Variants in MCM10 observed in about 807,000 individuals in gnomAD.
MCM10 encodes minichromosome maintenance 10 replication initiation factor, also known as protein MCM10 homolog.
Under a neutral mutation model 109.9 loss-of-function variants are expected in MCM10, and 91 were observed. That is an observed-to-expected ratio of 0.83 (90% CI 0.70 to 0.99). The LOEUF (loss-of-function observed/expected upper bound fraction) is 0.99, where lower values mean the gene tolerates loss of function less well. Among genes scored for constraint, MCM10 ranks in the 50% least tolerant of loss-of-function variants. The pLI is 0.00. For synonymous variants in MCM10, 380 were observed against 387.2 expected, an observed-to-expected ratio of 0.98 and a Z score of 0.22; for missense variants, 1,077 against 1,061.2, an observed-to-expected ratio of 1.01 and a Z score of -0.21.
chr10:13,184,137 C>T (rs920607799), intron 8 of MCM10, among the ~76,000 whole-genome samples: 2 of 152,046 alleles, frequency 1.3e-5, no homozygotes, highest in Non-Finnish European at 2.9e-5. Flanking sequence ...GGATTACAGC[C>T]ATGAGCCACC....
chr10:13,172,836 G>A lies in MCM10; in HGVS notation c.592+71G>A. On this transcript the variant is annotated intron_variant, in intron 5 of 19. Coordinates refer to ENST00000378714, the MANE Select transcript of MCM10 (RefSeq NM_018518.5). The surrounding 1 kb of genome is among the most constrained non-coding windows in gnomAD (Gnocchi z 5.2). Reference sequence around the variant, plus strand: ...TATGTGTGTGGGGGTGTTCATGTGTGTGTGGGTGTCTGTGTCTTTTGGTCT... The same window carrying A: ...TATGTGTGTGGGGGTGTTCATGTGTATGTGGGTGTCTGTGTCTTTTGGTCT... The A allele has an allele frequency of 4.1e-6, 6 of 1,474,930 alleles. No homozygotes were observed. Among genetic ancestry groups the A allele is most frequent in the Non-Finnish European group, 5.6e-6 (6 of 1,071,754 alleles). 91.4% of individuals were successfully genotyped at this position (1,474,930 alleles called of 1,614,324 possible). A position where few individuals can be genotyped will look rare whatever the true frequency, so the allele number is the denominator to read the frequency against.
Position 13,172,064 on chromosome 10 carries a change from A to G in MCM10, c.350-312A>G, listed in dbSNP as rs187323394. ...GCTGTGATTACAGGCACGAGCCACC[A>G]TGCCTGGCCTATAATTATTTCTCAA... is the stretch of plus-strand genomic sequence containing the variant. On this transcript the variant is annotated intron_variant, in intron 3 of 19. Coordinates refer to ENST00000378714, the MANE Select transcript of MCM10 (RefSeq NM_018518.5). This position sits in a 1 kb window ranked among gnomAD's most constrained non-coding sequence, Gnocchi z 5.2. 3.3e-3 allele frequency among the ~76,000 whole-genome samples: 504 copies of G among 152,184 alleles called. 3 individuals are homozygous for G. The highest frequency in any genetic ancestry group is 0.012 in the African/African-American group (489 of 41,512).
chr10:13,180,318 C>A, intron 6 of MCM10, 124 bp from the exon 7 acceptor site: 2 of 660,772 alleles, frequency 3.0e-6, no homozygotes, highest in Non-Finnish European at 4.9e-6. Flanking sequence ...TACTATATAA[C>A]TAAGCTTCCC....
chr10:13,209,269 A>G lies in MCM10; in HGVS notation c.2584A>G (p.Arg862Gly). 1 of 1,614,132 alleles carries G rather than the reference A, an allele frequency of 6.2e-7. No homozygotes were observed. The highest frequency in any genetic ancestry group is 8.5e-7 in the Non-Finnish European group (1 of 1,179,986). ...GATAGGAGGAGAAACTCTGTTACCA[A>G]GAGGAGAAGAACATGCTAAATTTCT... Reference protein sequence around the residue: ...PKIGGETLLPRGEEHAKFLNS... With the variant: ...PKIGGETLLPGGEEHAKFLNS... Residue 862 changes from arginine to glycine, a missense_variant, in exon 20 of 20, where the codon AGA becomes GGA. Transcript: ENST00000378714.
Position 13,186,182 on chromosome 10 carries a change from C to T in MCM10, c.1117C>T (p.His373Tyr), listed in dbSNP as rs781291700. Residue 373 changes from histidine (H) to tyrosine (Y), a missense_variant, in exon 9 of 20, where the codon CAT (histidine) becomes TAT (tyrosine). Coordinates refer to ENST00000378714, the MANE Select transcript of MCM10 (RefSeq NM_018518.5). ...CTTACAGGTGTGTTTATCTATCGATCATCCTCAGAAGGTCTTAATTATGGG... is the reference window on the plus strand; with the variant it reads ...CTTACAGGTGTGTTTATCTATCGATTATCCTCAGAAGGTCTTAATTATGGG... ...GSEEVCLSID[H>Y]PQKVLIMGEA... The T allele has an allele frequency of 2.5e-6, 4 of 1,610,940 alleles. No homozygotes were observed. Among genetic ancestry groups the T allele is most frequent in the Non-Finnish European group, 3.4e-6 (4 of 1,177,560 alleles).
chr10:13,208,411 G>A (rs1357877986), intron 18 of MCM10, among the ~76,000 whole-genome samples: 3 of 151,468 alleles, frequency 2.0e-5, no homozygotes, highest in Admixed American at 1.3e-4. Context: ...AACAAAACAA[G>A]AGTCCCTGGG....
intron 2 of MCM10, among the ~76,000 whole-genome samples, chr10:13,169,997 C>T (rs530683796): frequency 5.3e-5 from 8 of 152,352 alleles, no homozygotes; most frequent in South Asian, 2.1e-4. Context: ...TGAGCCACCA[C>T]GCCTGGCTAG....
intron 5 of MCM10, among the ~76,000 whole-genome samples, chr10:13,174,424 T>C (rs775474326): frequency 3.3e-5 from 5 of 152,042 alleles, no homozygotes; most frequent in Non-Finnish European, 5.9e-5. Context: ...AAAGTAGAAT[T>C]TGAACTGTAC....
chr10:13,171,665 A>G (rs1834075145), intron 3 of MCM10, among the ~76,000 whole-genome samples: 1 of 152,208 alleles, frequency 6.6e-6, no homozygotes, highest in African/African-American at 2.4e-5. Flanking sequence ...CATCTCATAC[A>G]TGTTTAAGCT....
intron 6 of MCM10, among the ~76,000 whole-genome samples, chr10:13,179,089 A>C (rs944989408): frequency 1.1e-4 from 16 of 152,190 alleles, no homozygotes; most frequent in South Asian, 2.1e-4. Context: ...TATCAGTGCT[A>C]ATAGTTTTTT....
intron 6 of MCM10, among the ~76,000 whole-genome samples, chr10:13,178,459 T>TGG (rs1339288735): frequency 2.0e-5 from 3 of 152,214 alleles, no homozygotes; most frequent in South Asian, 2.1e-4. Context: ...CTCCTGCATA[T>TGG]GGATATCCAG....
chr10:13,188,348 T>A (rs1834301808), intron 9 of MCM10, among the ~76,000 whole-genome samples: 1 of 152,200 alleles, frequency 6.6e-6, no homozygotes, highest in South Asian at 2.1e-4. Context: ...TTAATCATTT[T>A]AAAATACATA....
intron 16 of MCM10, among the ~76,000 whole-genome samples, chr10:13,199,715 A>T (rs1006994222): frequency 2.1e-4 from 32 of 152,272 alleles, no homozygotes; most frequent in African/African-American, 7.7e-4. Context: ...CAGAGGCAGA[A>T]CTAGCTTAGG....
intron 15 of MCM10, 71 bp downstream of exon 15, chr10:13,197,838 C>T (rs1264367784): frequency 2.7e-6 from 4 of 1,481,486 alleles, no homozygotes; most frequent in Admixed American, 2.2e-5. Context: ...TAAACCCAAA[C>T]CAGCACCCAG....
chr10:13,204,392 C>G, intron 18 of MCM10, 28 bp downstream of exon 18: 1 of 1,610,802 alleles, frequency 6.2e-7, no homozygotes, highest in East Asian at 2.2e-5. Context: ...AGCTCTTTGT[C>G]CCACGTGGGG....
At chr10:13,171,718 C>T (rs372133439) in intron 3 of MCM10, among the ~76,000 whole-genome samples, 3 of 152,112 alleles carry the variant, frequency 2.0e-5, no homozygotes, top group East Asian at 3.9e-4. Flanking sequence ...AATACAGAAG[C>T]CAGCATTTAT....
rs142362347 is a variant in MCM10, at chr10:13,163,867, C to T, written c.-75-261C>T. Among the ~76,000 whole-genome samples the T allele has an allele frequency of 4.1e-4, 63 of 152,212 alleles. 1 individual carries two copies. The East Asian group carries it at 0.01, about 25-fold the overall frequency. ...GTTCTTCCTCATAATTTATCTCATC[C>T]ACGTAATCTAGTGTGATTTACAAAC... On this transcript the variant is annotated intron_variant, in intron 1 of 19. Coordinates refer to ENST00000378714, the MANE Select transcript of MCM10 (RefSeq NM_018518.5).
chr10:13,178,053 A>G (rs1455021918), intron 6 of MCM10, among the ~76,000 whole-genome samples: 1 of 152,016 alleles, frequency 6.6e-6, no homozygotes, highest in Non-Finnish European at 1.5e-5. Context: ...AGTTTCCCCA[A>G]TGTTTTCTTT....
rs937670801 is a variant in MCM10, at chr10:13,175,682, G to A, written c.764+1G>A. ...AAGCCTTCTCTGGTCTGCGGCTCAG[G>A]TCAGTAGCTAAACCATCTATTCATG... On this transcript the variant is annotated splice_donor_variant, in intron 6 of 19. Coordinates refer to ENST00000378714, the MANE Select transcript of MCM10 (RefSeq NM_018518.5). LOFTEE classifies it high-confidence loss of function. The A allele has an allele frequency of 1.9e-6, 3 of 1,594,022 alleles. No homozygotes were observed. The highest frequency in any genetic ancestry group is 2.7e-5 in the African/African-American group (2 of 74,040).
Sources: allele counts gnomAD v4.1 joint callset (sites outside exome capture counted in the v4.1 genomes callset), GRCh38; gene constraint gnomAD v4.1.1; non-coding constraint Gnocchi (gnomAD v3.1); transcripts MANE v1.5; gene names NCBI Gene and HGNC (gene_info 2026-07-23, HGNC 2026-07-21).